LARP4B: variants seen among roughly 807,000 people sequenced by gnomAD.
LARP4B encodes the protein la-related protein 4B.
LARP4B carries 12 observed loss-of-function variants against 89.8 expected under a neutral mutation model. That is an observed-to-expected ratio of 0.13 (90% CI 0.09 to 0.22). The LOEUF (loss-of-function observed/expected upper bound fraction) is 0.22, where lower values mean the gene tolerates loss of function less well. Ranked by LOEUF, LARP4B falls within the 10% of genes least tolerant of loss-of-function variation. The pLI is 1.00. For synonymous variants in LARP4B, 367 were observed against 363.3 expected, an observed-to-expected ratio of 1.01 and a Z score of -0.12; for missense variants, 757 against 947.7, an observed-to-expected ratio of 0.80 and a Z score of 2.64.
the LARP4B span, among the ~76,000 whole-genome samples, chr10:970,963 C>T: frequency 2.6e-5 from 4 of 152,290 alleles, no homozygotes; most frequent in Non-Finnish European, 5.9e-5. Context: ...TGCTCTGCTG[C>T]GTGTCAGAGG....
intron 3 of LARP4B, among the ~76,000 whole-genome samples, chr10:882,364 T>C (rs1804186829): frequency 6.6e-6 from 1 of 152,110 alleles, no homozygotes; most frequent in Non-Finnish European, 1.5e-5. Context: ...TTATAATATA[T>C]TGTTCTCATA....
chr10:921,991 C>T (rs960014096), intron 1 of LARP4B, among the ~76,000 whole-genome samples: 6 of 152,124 alleles, frequency 3.9e-5, no homozygotes, highest in Non-Finnish European at 8.8e-5. Flanking sequence ...ATGGTCAGTA[C>T]TCCAAGTCAG....
intron 3 of LARP4B, chr10:873,310 T>G: frequency 2.0e-6 from 2 of 985,386 alleles, no homozygotes; most frequent in Non-Finnish European, 1.2e-6. Flanking sequence ...CAAATCCTAA[T>G]GACAACAGAG....
At chr10:938,290 A>G in the LARP4B span, among the ~76,000 whole-genome samples, 17 of 119,408 alleles carry the variant, frequency 1.4e-4, no homozygotes, top group Middle Eastern at 6.7e-3. Context: ...TCGCTCTGTC[A>G]CCCAGGCTGG....
intron 1 of LARP4B, among the ~76,000 whole-genome samples, chr10:914,416 A>G (rs1252394749): frequency 6.6e-6 from 1 of 152,006 alleles, no homozygotes; most frequent in African/African-American, 2.4e-5. Flanking sequence ...TAAAATGCCA[A>G]TATAAAAAAG....
intron 1 of LARP4B, among the ~76,000 whole-genome samples, chr10:898,826 T>A (rs1430753488): frequency 6.6e-6 from 1 of 152,236 alleles, no homozygotes; most frequent in Non-Finnish European, 1.5e-5. Context: ...AGATCAGGGA[T>A]AATTTAAGGT....
intron 1 of LARP4B, among the ~76,000 whole-genome samples, chr10:925,645 C>T (rs552503552): frequency 2.6e-5 from 4 of 152,128 alleles, no homozygotes; most frequent in African/African-American, 4.8e-5. Flanking sequence ...GCAATTCTCC[C>T]GCCTCAGCCT....
rs772997079 is a variant in LARP4B, at chr10:843,102, T to G, written c.510-34A>C. On this transcript the variant is annotated intron_variant, in intron 6 of 17. Coordinates refer to ENST00000316157, the MANE Select transcript of LARP4B (RefSeq NM_015155.3). The stretch of plus-strand genomic sequence containing the variant: ...AGAAAACAATCTCTTTTAATCAGTA[T>G]TTCTTTAAAAGGAAGTTTCACCTAC... 4 of 1,598,468 alleles carry G rather than the reference T, an allele frequency of 2.5e-6. No individual in the cohort carries two copies. The African/African-American group carries it at 4.0e-5, about 16-fold the overall frequency.
chr10:858,313 T>A (rs1340981572), intron 5 of LARP4B, among the ~76,000 whole-genome samples: 1 of 152,170 alleles, frequency 6.6e-6, no homozygotes, highest in Non-Finnish European at 1.5e-5. Context: ...GGCAGTCTTT[T>A]CAATAAATAG....
Position 812,991 on chromosome 10 carries a change from A to G in LARP4B, c.2152T>C (p.Ser718Pro). ...AGACGCTTCCCCATGGCCGAGGGCG[A>G]GGGCCGGCCCCCCGCCGGCCGCCTC... ...DQRRPAGGRP[S>P]PSAMGKRLSR... The change falls in exon 18 of 18, where the codon TCG becomes CCG. Residue 718 changes from serine (S) to proline (P), a missense_variant. By Grantham distance (74) the Ser-to-Pro change is moderately conservative. Transcript: ENST00000316157. The G allele has an allele frequency of 2.5e-6, 4 of 1,586,096 alleles. No individual in the cohort carries two copies. Among genetic ancestry groups the G allele is most frequent in the Non-Finnish European group, 3.4e-6 (4 of 1,173,108 alleles).
At chr10:959,080 TGGCAG>T in the LARP4B span, among the ~76,000 whole-genome samples, 1 of 152,052 alleles carries the variant, frequency 6.6e-6, no homozygotes. Context: ...TCCCTGGAGA[TGGCAG>T]GGCAGGGCAG....
Position 830,948 on chromosome 10 carries a change from A to G in LARP4B, c.780T>C (p.Asn260=). 1 of 1,239,506 alleles carries G rather than the reference A, an allele frequency of 8.1e-7. No homozygotes were observed. Among genetic ancestry groups the G allele is most frequent in the East Asian group, 2.3e-5 (1 of 42,858 alleles). The allele number at this position is 1,239,506 out of a possible 1,614,324, so 76.8% of individuals were successfully genotyped here. Residue 260 remains asparagine (N), a synonymous_variant, in exon 9 of 18, where the codon AAT becomes AAC. Transcript: ENST00000316157. ...EEVEALFKGD[N]LPKFINCEFA... is the part of the protein sequence containing the mutation. ...ATTCACAGTTTATAAATTTTGGTAAATTATCTCCTTTAAATAGTGCTTCTA... is the reference window on the plus strand; with the variant it reads ...ATTCACAGTTTATAAATTTTGGTAAGTTATCTCCTTTAAATAGTGCTTCTA...
chr10:968,927 T>C, the LARP4B span, among the ~76,000 whole-genome samples: 8 of 152,370 alleles, frequency 5.3e-5, no homozygotes, highest in Admixed American at 3.3e-4. Flanking sequence ...TATGATCTTA[T>C]GCTTTATTCA....
intron 1 of LARP4B, among the ~76,000 whole-genome samples, chr10:909,040 A>G (rs1054810157): frequency 1.1e-4 from 16 of 152,182 alleles, no homozygotes; most frequent in South Asian, 2.1e-4. Flanking sequence ...CATGCCTGTA[A>G]TCCCAGCACT....
At chr10:844,736 C>G (rs1009253095) in intron 6 of LARP4B, among the ~76,000 whole-genome samples, 1 of 151,740 alleles carries the variant, frequency 6.6e-6, no homozygotes, top group Non-Finnish European at 1.5e-5. Flanking sequence ...ACAGGGCGGG[C>G]GGGGCACTTT....
the LARP4B span, among the ~76,000 whole-genome samples, chr10:956,850 A>G: frequency 6.6e-6 from 1 of 152,224 alleles, no homozygotes; most frequent in Non-Finnish European, 1.5e-5. The surrounding 1 kb of genome is among the most constrained non-coding windows in gnomAD (Gnocchi z 4.3). Flanking sequence ...GGGGGTCAGG[A>G]GAAGGGTAAA....
intron 13 of LARP4B, among the ~76,000 whole-genome samples, chr10:821,449 G>A (rs934737063): frequency 1.1e-4 from 17 of 152,152 alleles, no homozygotes; most frequent in Non-Finnish European, 1.8e-4. Flanking sequence ...GCAAGGCCAC[G>A]CCACACACGC....
At chr10:864,395 A>C in intron 3 of LARP4B, 125 bp from the exon 4 acceptor site, 1 of 723,866 alleles carries the variant, frequency 1.4e-6, no homozygotes. Flanking sequence ...ATTTATACAC[A>C]CCTTTGGAAT....
At chr10:929,619 G>A (rs931847386) in intron 1 of LARP4B, among the ~76,000 whole-genome samples, 1 of 151,952 alleles carries the variant, frequency 6.6e-6, no homozygotes, top group African/African-American at 2.4e-5. Flanking sequence ...AAAAAAATCA[G>A]TAATAGTGAA....
Sources: allele counts gnomAD v4.1 joint callset (sites outside exome capture counted in the v4.1 genomes callset), GRCh38; gene constraint gnomAD v4.1.1; non-coding constraint Gnocchi (gnomAD v3.1); transcripts MANE v1.5; gene names NCBI Gene and HGNC (gene_info 2026-07-23, HGNC 2026-07-21).